The following MYO5A variants were observed in gnomAD, a reference collection of about 807,000 sequenced individuals.
The protein encoded by MYO5A is myosin VA.
In MYO5A, 98 loss-of-function variants were observed where a neutral mutation model predicts 249.7. The observed-to-expected ratio is 0.39, with a 90% CI of 0.33 to 0.46. The LOEUF is 0.46. MYO5A is among the 20% of genes least tolerant of loss of function. The pLI is 0.98. For synonymous variants in MYO5A, 778 were observed against 810.6 expected (o/e 0.96, Z 0.68); for missense variants, 1,696 against 2,308.8 (o/e 0.73, Z 5.44).
chr15:52,476,489 G>A lies in MYO5A; in HGVS notation c.28-43204C>T, dbSNP rs12915661. On this transcript the variant is annotated intron_variant, in intron 1 of 41. Transcript: ENST00000399233. Reference sequence around the variant, plus strand: ...GTTGATGCAGTTTCTTCCTAGCATCGATGGTCTTTACAATTTGGCATGTTT... The same window carrying A: ...GTTGATGCAGTTTCTTCCTAGCATCAATGGTCTTTACAATTTGGCATGTTT... Among the ~76,000 whole-genome samples, 570 of 152,218 alleles carry A rather than the reference G, an allele frequency of 3.7e-3. 1 individual carries two copies. Among genetic ancestry groups the A allele is most frequent in the Non-Finnish European group, 5.6e-3 (378 of 67,998 alleles).
Position 52,307,856 on chromosome 15 carries a change from AG to A in MYO5A, c.*5839del, listed in dbSNP as rs1296211077. 6.6e-6 allele frequency: 1 copy of A among 152,186 alleles called. No homozygotes were observed. The highest frequency in any genetic ancestry group is 1.5e-5 in the Non-Finnish European group (1 of 68,002). The allele number at this position is 152,186 out of a possible 1,614,324, so 9.4% of individuals were successfully genotyped here. A position where few individuals can be genotyped will look rare whatever the true frequency, so the allele number is the denominator to read the frequency against. On this transcript the variant is annotated 3_prime_UTR_variant, in exon 42 of 42. Transcript: ENST00000399233. ...TTTAAATCTCCCAAAGACACAAAAA[AG>A]TCAATTTTACTGCAGGATCCCACAA...
intron 1 of MYO5A, among the ~76,000 whole-genome samples, chr15:52,464,308 CT>C (rs2076311779): frequency 6.6e-6 from 1 of 152,238 alleles, no homozygotes. Context: ...CTCCCTTCCC[CT>C]GAGCTCTGGC....
chr15:52,457,393 C>T (rs944469260), intron 1 of MYO5A, among the ~76,000 whole-genome samples: 1 of 148,470 alleles, frequency 6.7e-6, no homozygotes, highest in Non-Finnish European at 1.5e-5. Context: ...ACTGCACCAG[C>T]CTAAGTGACA....
intron 41 of MYO5A, 126 bp downstream of exon 41, chr15:52,313,997 T>A: frequency 7.6e-7 from 1 of 1,308,342 alleles, no homozygotes; most frequent in Non-Finnish European, 1.1e-6. Context: ...AATTAACTAT[T>A]ATCAAAAAAG....
In MYO5A at chr15:52,310,315, T is replaced by C. The variant is rs1406419291; in HGVS notation, c.*3381A>G. 6.6e-6 allele frequency: 1 copy of C among 152,230 alleles called. No homozygotes were observed. Among genetic ancestry groups the C allele is most frequent in the Non-Finnish European group, 1.5e-5 (1 of 68,032 alleles). The allele number at this position is 152,230 out of a possible 1,614,324, so 9.4% of individuals were successfully genotyped here. On this transcript the variant is annotated 3_prime_UTR_variant, in exon 42 of 42. Transcript: ENST00000399233. ...CCTTTTAGAGTTACTCTCAGGCAGA[T>C]CAAAGCCTTAACCTGAGGAAAAGCT...
At chr15:52,357,219 A>C (rs1308375947) in intron 25 of MYO5A, among the ~76,000 whole-genome samples, 1 of 152,110 alleles carries the variant, frequency 6.6e-6, no homozygotes, top group Non-Finnish European at 1.5e-5. Context: ...TCCATATTAT[A>C]TATTTTAATG....
At chr15:52,380,214 T>C (rs1258013384) in intron 16 of MYO5A, among the ~76,000 whole-genome samples, 1 of 152,186 alleles carries the variant, frequency 6.6e-6, no homozygotes, top group Non-Finnish European at 1.5e-5. Context: ...GGAGGGTAGA[T>C]CACCTGAGGT....
intron 1 of MYO5A, among the ~76,000 whole-genome samples, chr15:52,515,389 G>A (rs527640078): frequency 6.6e-6 from 1 of 152,276 alleles, no homozygotes; most frequent in East Asian, 1.9e-4. Flanking sequence ...GTGGGGGAAA[G>A]TAAATCAAGA....
chr15:52,488,709 A>C (rs2141527070), intron 1 of MYO5A, among the ~76,000 whole-genome samples: 1 of 152,346 alleles, frequency 6.6e-6, no homozygotes, highest in East Asian at 1.9e-4. Context: ...GAAATGAAGC[A>C]AATGTGCAGA....
chr15:52,463,953 G>C (rs2076303393), intron 1 of MYO5A, among the ~76,000 whole-genome samples: 1 of 152,048 alleles, frequency 6.6e-6, no homozygotes, highest in African/African-American at 2.4e-5. Flanking sequence ...AAACCAATTA[G>C]ACTGTATATA....
At chr15:52,491,623 T>C (rs2141539892) in intron 1 of MYO5A, among the ~76,000 whole-genome samples, 1 of 152,332 alleles carries the variant, frequency 6.6e-6, no homozygotes, top group Admixed American at 6.5e-5. Context: ...TGTCAGAAGA[T>C]CTGTCTCATG....
At chr15:52,487,929 G>A (rs904775632) in intron 1 of MYO5A, among the ~76,000 whole-genome samples, 2 of 151,830 alleles carry the variant, frequency 1.3e-5, no homozygotes, top group African/African-American at 2.4e-5. Context: ...CCATTCTTTG[G>A]GCTCCAGCAG....
At chr15:52,381,790 A>T (rs1159709701) in intron 16 of MYO5A, among the ~76,000 whole-genome samples, 9 of 151,984 alleles carry the variant, frequency 5.9e-5, no homozygotes, top group South Asian at 2.1e-4. Context: ...TCTCACACAC[A>T]CACACACACA....
At chr15:52,391,325 T>C (rs528596365) in intron 12 of MYO5A, among the ~76,000 whole-genome samples, 4 of 152,322 alleles carry the variant, frequency 2.6e-5, no homozygotes, top group East Asian at 3.9e-4. Context: ...TTTCATCACA[T>C]GCATCCTCAA....
chr15:52,399,186 C>T (rs1336964359), intron 9 of MYO5A, among the ~76,000 whole-genome samples: 1 of 152,164 alleles, frequency 6.6e-6, no homozygotes, highest in Admixed American at 6.5e-5. Flanking sequence ...ATCTCCCACT[C>T]TGATAGCAAA....
chr15:52,395,717 A>G (rs910526244), intron 11 of MYO5A, among the ~76,000 whole-genome samples: 2 of 152,142 alleles, frequency 1.3e-5, no homozygotes, highest in South Asian at 2.1e-4. Context: ...TAGGATTCCA[A>G]CTCACACAGT....
At chr15:52,501,876 TACACACACACACACAC>T (rs10552352) in intron 1 of MYO5A, among the ~76,000 whole-genome samples, 3 of 140,528 alleles carry the variant, frequency 2.1e-5, no homozygotes, top group South Asian at 2.3e-4. Context: ...ATACATATAC[TACACACACACACACAC>T]ACACACACAC....
intron 1 of MYO5A, among the ~76,000 whole-genome samples, chr15:52,443,640 A>T (rs1194353820): frequency 1.3e-5 from 2 of 151,218 alleles, no homozygotes; most frequent in Admixed American, 1.3e-4. Flanking sequence ...CCAGGGAAGC[A>T]GAGGTTGCAG....
chr15:52,373,239 G>A (rs529581328), intron 20 of MYO5A, among the ~76,000 whole-genome samples: 6 of 152,096 alleles, frequency 3.9e-5, no homozygotes, highest in Admixed American at 6.5e-5. Context: ...ATTTGTTGTC[G>A]CTAAAGAGCA....
Sources: allele counts gnomAD v4.1 joint callset (sites outside exome capture counted in the v4.1 genomes callset), GRCh38; gene constraint gnomAD v4.1.1; transcripts MANE v1.5; gene names NCBI Gene and HGNC (gene_info 2026-07-23, HGNC 2026-07-21).